The following TANGO6 variants were observed in gnomAD, a reference collection of about 807,000 sequenced individuals.
The protein encoded by TANGO6 is transport and golgi organization 6 homolog.
A neutral mutation model predicts 114.2 loss-of-function variants in TANGO6; 90 were observed. The observed-to-expected ratio is 0.79, with a 90% CI of 0.66 to 0.94. The LOEUF is 0.94. Among genes scored for constraint, TANGO6 ranks in the 40% least tolerant of loss-of-function variants. The pLI is 0.00. For synonymous variants in TANGO6, 477 were observed against 509.8 expected (o/e 0.94, Z 0.87); for missense variants, 1,274 against 1,315.3 (o/e 0.97, Z 0.49).
intron 14 of TANGO6, among the ~76,000 whole-genome samples, chr16:68,945,049 G>A (rs1465665770): frequency 6.6e-6 from 1 of 152,182 alleles, no homozygotes; most frequent in East Asian, 1.9e-4. Flanking sequence ...CTGGAGGCAG[G>A]AGAATCACTT....
chr16:68,919,272 A>G, intron 12 of TANGO6, 53 bp downstream of exon 12: 2 of 1,587,850 alleles, frequency 1.3e-6, no homozygotes, highest in Non-Finnish European at 8.6e-7. Flanking sequence ...GAAGCGAAAT[A>G]CCAGTTGTTT....
At position 68,919,485 on chromosome 16, in the gene TANGO6, G is replaced by A. The variant is rs1204894007; in HGVS notation, c.2127+266G>A. Among the ~76,000 whole-genome samples the A allele has an allele frequency of 2.0e-5, 3 of 152,098 alleles. No individual in the cohort carries two copies. The East Asian group carries it at 5.8e-4, about 29-fold the overall frequency. On this transcript the variant is annotated intron_variant, in intron 12 of 17. Transcript: ENST00000261778. ...TACAATCTTAATTTGGGAACATCTA[G>A]CCTGGTGTTTTGCATCTGAGGTGAA...
intron 5 of TANGO6, among the ~76,000 whole-genome samples, chr16:68,877,586 C>G (rs752207767): frequency 2.0e-5 from 3 of 151,598 alleles, no homozygotes; most frequent in Middle Eastern, 3.2e-3. Flanking sequence ...AATAAAAACA[C>G]TGCAAGTATG....
rs78021394 is a variant in TANGO6, at chr16:68,972,789, G to A, written c.2702-1239G>A. Among the ~76,000 whole-genome samples the A allele has an allele frequency of 3.1e-3, 476 of 152,258 alleles. 4 individuals carry two copies. The highest frequency in any genetic ancestry group is 0.011 in the African/African-American group (453 of 41,562). On this transcript the variant is annotated intron_variant, in intron 14 of 17. Coordinates refer to ENST00000261778, the MANE Select transcript of TANGO6 (RefSeq NM_024562.2). The stretch of plus-strand genomic sequence containing the variant: ...AGCAGGGTGAGAGGAGTAAAGAGTG[G>A]CAGGGGAAGGAGGGTGCCGTTTTAT...
In TANGO6 at chr16:68,878,103, G is replaced by A. The variant is rs1258776929; in HGVS notation, c.1132-15G>A. The stretch of plus-strand genomic sequence containing the variant: ...TGCAAAAAACTGGTATTTACTTCTT[G>A]TAGTTTTTTTGTAGGTTCTGGATTT... On this transcript the variant is annotated splice_polypyrimidine_tract_variant and intron_variant, in intron 5 of 17. Coordinates refer to ENST00000261778, the MANE Select transcript of TANGO6 (RefSeq NM_024562.2). 4 of 1,598,808 alleles carry A rather than the reference G, an allele frequency of 2.5e-6. No homozygotes were observed. Among genetic ancestry groups the A allele is most frequent in the Non-Finnish European group, 3.4e-6 (4 of 1,172,988 alleles).
chr16:68,851,905 CTTA>C lies in TANGO6; in HGVS notation c.95-7974_95-7972del, dbSNP rs199551169. 4.6e-3 allele frequency among the ~76,000 whole-genome samples: 699 copies of C among 152,176 alleles called. 4 individuals carry two copies. Among genetic ancestry groups the C allele is most frequent in the African/African-American group, 0.016 (679 of 41,522 alleles). On this transcript the variant is annotated intron_variant, in intron 1 of 17. Transcript: ENST00000261778. ...CAGTATAACTTTAATTTACTTTTCT[CTTA>C]TTATGAGCAAGATTGATCATATGTT... is the stretch of plus-strand genomic sequence containing the variant.
chr16:68,953,998 C>T (rs185275974), intron 14 of TANGO6, among the ~76,000 whole-genome samples: 7 of 151,734 alleles, frequency 4.6e-5, no homozygotes, highest in African/African-American at 1.2e-4. Flanking sequence ...CCAGCACTTT[C>T]GGAGGCCGAG....
chr16:68,927,293 T>A lies in TANGO6; in HGVS notation c.2128-275T>A, dbSNP rs189747498. Among the ~76,000 whole-genome samples, 512 of 152,328 alleles carry A rather than the reference T, an allele frequency of 3.4e-3. 2 individuals carry two copies. The highest frequency in any genetic ancestry group is 5.3e-3 in the Admixed American group (81 of 15,296). ...CCGTTCTGTTTCCACCTGTTTAAAA[T>A]GTAGATAATAATAGTCATTATATCA... On this transcript the variant is annotated intron_variant, in intron 12 of 17. Transcript: ENST00000261778.
intron 14 of TANGO6, among the ~76,000 whole-genome samples, chr16:68,945,665 G>C (rs1283213425): frequency 6.6e-6 from 1 of 151,898 alleles, no homozygotes; most frequent in Non-Finnish European, 1.5e-5. Flanking sequence ...ATCTTCATTA[G>C]AGAAGTGTCT....
intron 12 of TANGO6, among the ~76,000 whole-genome samples, chr16:68,926,463 C>T (rs921129181): frequency 2.0e-5 from 3 of 151,182 alleles, no homozygotes; most frequent in African/African-American, 7.3e-5. Flanking sequence ...CATTGCACTC[C>T]AGCCTAGGCA....
intron 3 of TANGO6, among the ~76,000 whole-genome samples, chr16:68,866,210 T>G (rs554760981): frequency 9.3e-4 from 141 of 152,342 alleles, no homozygotes; most frequent in African/African-American, 3.0e-3. Flanking sequence ...GTTTTTTACT[T>G]TCTTAAAAGT....
intron 15 of TANGO6, among the ~76,000 whole-genome samples, chr16:69,018,816 A>C (rs1959352311): frequency 6.6e-6 from 1 of 152,040 alleles, no homozygotes; most frequent in South Asian, 2.1e-4. Context: ...AGTCCCAGCT[A>C]CTCAGGAGGT....
At chr16:69,048,514 C>T (rs903480332) in intron 17 of TANGO6, among the ~76,000 whole-genome samples, 2 of 152,040 alleles carry the variant, frequency 1.3e-5, no homozygotes, top group Non-Finnish European at 2.9e-5. Flanking sequence ...AGCAATCCTC[C>T]TGCCTTAGCC....
chr16:69,049,136 A>G (rs1959907106), intron 17 of TANGO6, among the ~76,000 whole-genome samples: 2 of 152,118 alleles, frequency 1.3e-5, no homozygotes, highest in Admixed American at 6.6e-5. Flanking sequence ...TAATTCTGCA[A>G]TTTTAGCATA....
chr16:68,962,588 CT>C (rs527911856), intron 14 of TANGO6, among the ~76,000 whole-genome samples: 37 of 152,180 alleles, frequency 2.4e-4, no homozygotes, highest in African/African-American at 8.9e-4. Context: ...ATGAAGAAAC[CT>C]TTTCTTTACT....
At chr16:68,843,756 G>A (rs1477612422) in intron 1 of TANGO6, 45 bp downstream of exon 1, 1 of 1,595,968 alleles carries the variant, frequency 6.3e-7, no homozygotes, top group Non-Finnish European at 8.6e-7. Flanking sequence ...GGGACTCTCA[G>A]GGCCGCCCGG....
chr16:68,947,587 C>CTTTTT (rs1231636901), intron 14 of TANGO6, among the ~76,000 whole-genome samples: 14 of 118,448 alleles, frequency 1.2e-4, no homozygotes, highest in Non-Finnish European at 1.7e-4. Context: ...TAACCCATCT[C>CTTTTT]TTTTTTTTTT....
Position 68,970,783 on chromosome 16 carries a change from G to A in TANGO6, c.2702-3245G>A, listed in dbSNP as rs76803619. On this transcript the variant is annotated intron_variant, in intron 14 of 17. Transcript: ENST00000261778. ...ATAAAGCAAATCCCATTTTTCCACTGTTTTCCATTGCAAAGTCATGACTAC... is the reference window on the plus strand; with the variant it reads ...ATAAAGCAAATCCCATTTTTCCACTATTTTCCATTGCAAAGTCATGACTAC... Among the ~76,000 whole-genome samples, 10 of 152,080 alleles carry A rather than the reference G, an allele frequency of 6.6e-5. No individual in the cohort carries two copies. The East Asian group carries it at 1.9e-3, about 29-fold the overall frequency.
intron 17 of TANGO6, among the ~76,000 whole-genome samples, chr16:69,072,476 G>C (rs9934464): frequency 0.28 from 41,925 of 151,788 alleles, 6,648 homozygotes; most frequent in African/African-American, 0.43. Context: ...TCCTGCCCCC[G>C]ACAGAGGCTC....
Sources: gnomAD v4.1 joint callset for allele counts (sites outside exome capture counted in the v4.1 genomes callset) on GRCh38, gnomAD v4.1.1 for gene constraint, MANE v1.5 for transcripts, NCBI Gene and HGNC (gene_info 2026-07-23, HGNC 2026-07-21) for gene names.